The following SLIT3 variants were observed in gnomAD, a reference collection of about 807,000 sequenced individuals.
SLIT3 encodes slit guidance ligand 3.
A neutral mutation model predicts 184.0 loss-of-function variants in SLIT3; 68 were observed. The ratio of observed to expected loss-of-function variants is 0.37; its 90% CI spans 0.30 to 0.45. The LOEUF (loss-of-function observed/expected upper bound fraction) is 0.45, where lower values mean the gene tolerates loss of function less well. SLIT3 is among the 20% of genes least tolerant of loss of function. SLIT3 has a pLI of 1.00. For missense variants in SLIT3, 1,707 were observed against 2,026.0 expected (o/e 0.84, Z 3.02); for synonymous variants, 831 against 828.6 (o/e 1.00, Z -0.05).
At position 168,936,316 on chromosome 5, in the gene SLIT3, C is replaced by A. The variant is rs377684775; in HGVS notation, c.414-52980G>T. Among the ~76,000 whole-genome samples, 12 of 152,292 alleles carry A rather than the reference C, an allele frequency of 7.9e-5. No homozygotes were observed. In the East Asian group the frequency reaches 1.5e-3, roughly 20 times the overall value. On this transcript the variant is annotated intron_variant, in intron 4 of 35. Coordinates refer to ENST00000519560, the MANE Select transcript of SLIT3 (RefSeq NM_003062.4). ...GTGGTGCAATCTCGGCTCACTGCAA[C>A]CTTTGCCTCCTGGGTTCAAGTGATT...
At chr5:169,070,917 G>A (rs905007790) in intron 4 of SLIT3, among the ~76,000 whole-genome samples, 9 of 151,780 alleles carry the variant, frequency 5.9e-5, no homozygotes, top group African/African-American at 9.7e-5. Context: ...CACTTTAACC[G>A]TCATCAACCT....
At chr5:169,227,668 C>T (rs565680453) in intron 3 of SLIT3, among the ~76,000 whole-genome samples, 52 of 152,328 alleles carry the variant, frequency 3.4e-4, no homozygotes, top group African/African-American at 1.2e-3. Context: ...CAAGGTGATC[C>T]GCCCACCTCG....
At chr5:168,841,913 G>T (rs1758267867) in intron 6 of SLIT3, among the ~76,000 whole-genome samples, 1 of 152,100 alleles carries the variant, frequency 6.6e-6, no homozygotes, top group Non-Finnish European at 1.5e-5. Context: ...AGACTTTTAA[G>T]CTTTAGATAT....
At chr5:169,225,882 G>A (rs1764790239) in intron 3 of SLIT3, among the ~76,000 whole-genome samples, 1 of 152,218 alleles carries the variant, frequency 6.6e-6, no homozygotes, top group Admixed American at 6.5e-5. Flanking sequence ...GTTAAGCATA[G>A]TCTGTGTTTG....
rs1190794583 is a variant in SLIT3 at position 168,746,363 on chromosome 5, GTGGTGTGTGAGTGTGGT to G, written c.2270+1922_2270+1938del. Among the ~76,000 whole-genome samples the G allele has an allele frequency of 2.4e-4, 36 of 148,994 alleles. 1 individual carries two copies. The highest frequency in any genetic ancestry group is 3.6e-4 in the Non-Finnish European group (24 of 66,992). Reference sequence around the variant, plus strand: ...TGGTGGTGTGGGTGTGTGGTGGTGTGTGGTGTGTGAGTGTGGTGGTGTGGGTGTGTGGTGTCTGGTGG... The same window carrying G: ...TGGTGGTGTGGGTGTGTGGTGGTGTGGGTGTGGGTGTGTGGTGTCTGGTGG... On this transcript the variant is annotated intron_variant, in intron 20 of 35. Transcript: ENST00000519560.
intron 3 of SLIT3, among the ~76,000 whole-genome samples, chr5:169,201,442 T>C (rs1317180082): frequency 2.0e-5 from 3 of 152,220 alleles, no homozygotes; most frequent in Admixed American, 6.5e-5. Context: ...CTGAATGGTT[T>C]AACATCTGTA....
chr5:169,032,305 A>G (rs1176728217), intron 4 of SLIT3, among the ~76,000 whole-genome samples: 1 of 152,220 alleles, frequency 6.6e-6, no homozygotes, highest in Non-Finnish European at 1.5e-5. Context: ...AAAATAAGTT[A>G]CTGGAAACCA....
intron 9 of SLIT3, among the ~76,000 whole-genome samples, chr5:168,803,672 G>A (rs1756848328): frequency 6.6e-6 from 1 of 152,170 alleles, no homozygotes; most frequent in Non-Finnish European, 1.5e-5. Flanking sequence ...ACCTGGACTG[G>A]ACTCTTTCAT....
At chr5:169,017,405 G>A (rs1490961859) in intron 4 of SLIT3, among the ~76,000 whole-genome samples, 1 of 152,198 alleles carries the variant, frequency 6.6e-6, no homozygotes, top group Non-Finnish European at 1.5e-5. Flanking sequence ...TAACGAAAGA[G>A]CTAAAAAGAG....
chr5:168,696,003 G>T (rs1762053264), intron 28 of SLIT3, among the ~76,000 whole-genome samples: 1 of 152,172 alleles, frequency 6.6e-6, no homozygotes, highest in Non-Finnish European at 1.5e-5. Context: ...ACACCACTAG[G>T]TCTACAGGGG....
At chr5:169,229,390 A>G (rs2113548316) in intron 3 of SLIT3, among the ~76,000 whole-genome samples, 1 of 152,326 alleles carries the variant, frequency 6.6e-6, no homozygotes, top group East Asian at 1.9e-4. Flanking sequence ...GATAACTCGC[A>G]TTGTTTTGTC....
intron 4 of SLIT3, among the ~76,000 whole-genome samples, chr5:169,006,615 A>T (rs1231629382): frequency 0.012 from 1,772 of 150,872 alleles, 77 homozygotes; most frequent in East Asian, 0.083. Context: ...TCACACACAC[A>T]CACACACACA....
chr5:169,216,897 G>T (rs970075195), intron 3 of SLIT3, among the ~76,000 whole-genome samples: 1 of 152,090 alleles, frequency 6.6e-6, no homozygotes, highest in African/African-American at 2.4e-5. Flanking sequence ...GAGATGCGTG[G>T]CTCGGATGTT....
At chr5:168,869,300 G>C (rs1759426222) in intron 5 of SLIT3, among the ~76,000 whole-genome samples, 1 of 152,192 alleles carries the variant, frequency 6.6e-6, no homozygotes, top group African/African-American at 2.4e-5. Context: ...GATGTAAACT[G>C]AGTTCAAATC....
chr5:169,234,846 A>C (rs892549995), intron 3 of SLIT3, among the ~76,000 whole-genome samples: 5 of 152,170 alleles, frequency 3.3e-5, no homozygotes, highest in African/African-American at 1.2e-4. Flanking sequence ...TGTTGCTCAC[A>C]TTTTATTTTT....
At position 168,870,150 on chromosome 5, in the gene SLIT3, C is replaced by T. The variant is rs143475086; in HGVS notation, c.485+13115G>A. On this transcript the variant is annotated intron_variant, in intron 5 of 35. Coordinates refer to ENST00000519560, the MANE Select transcript of SLIT3 (RefSeq NM_003062.4). The stretch of plus-strand genomic sequence containing the variant: ...ATCTCAGGCTCTGAAAACCACCGTC[C>T]TGCACTCTGCACAAGCAACTTATTT... Among the ~76,000 whole-genome samples the T allele has an allele frequency of 1.7e-3, 265 of 152,364 alleles. 2 individuals carry two copies. The highest frequency in any genetic ancestry group is 6.8e-3 in the Middle Eastern group (2 of 294).
chr5:168,741,511 T>C (rs1317276567), intron 20 of SLIT3, among the ~76,000 whole-genome samples: 3 of 141,466 alleles, frequency 2.1e-5, no homozygotes, highest in Admixed American at 7.3e-5. Context: ...ACAAGACAGA[T>C]TCAGAGAGGA....
At chr5:168,745,313 G>A (rs1477033578) in intron 20 of SLIT3, among the ~76,000 whole-genome samples, 1 of 152,206 alleles carries the variant, frequency 6.6e-6, no homozygotes, top group African/African-American at 2.4e-5. Flanking sequence ...TCTACTTTTG[G>A]TGAAGATGCT....
At chr5:169,197,728 G>A (rs1215979715) in intron 3 of SLIT3, among the ~76,000 whole-genome samples, 1 of 152,126 alleles carries the variant, frequency 6.6e-6, no homozygotes, top group African/African-American at 2.4e-5. Context: ...GGCAATGACA[G>A]GATAAGGCCT....
Sources: allele counts gnomAD v4.1 joint callset (sites outside exome capture counted in the v4.1 genomes callset), GRCh38; gene constraint gnomAD v4.1.1; transcripts MANE v1.5; gene names NCBI Gene and HGNC (gene_info 2026-07-23, HGNC 2026-07-21).